The following RPL8 variants were observed in gnomAD, a reference collection of about 807,000 sequenced individuals.
The protein encoded by RPL8 is ribosomal protein L8, also known as large ribosomal subunit protein uL2.
For missense variants in RPL8, 248 were observed against 365.9 expected, an observed-to-expected ratio of 0.68 and a Z score of 2.63; for synonymous variants, 182 against 143.2, an observed-to-expected ratio of 1.27 and a Z score of -1.94.
At chr8:144,789,988 G>A in intron 4 of RPL8, 26 bp from the exon 5 acceptor site, 1 of 1,587,804 alleles carries the variant, frequency 6.3e-7, no homozygotes, top group Non-Finnish European at 8.6e-7. Flanking sequence ...GATGGCTTTA[G>A]AAACCTCTTC....
Position 144,792,049 on chromosome 8 carries a change from C to T in RPL8, c.81G>A (p.Ala27=). ...CAGCGAAATCCACGGCGCGCAGGCGCGCAGCGCCTTTACGGTGCTTCACGT... is the reference window on the plus strand; with the variant it reads ...CAGCGAAATCCACGGCGCGCAGGCGTGCAGCGCCTTTACGGTGCTTCACGT... The part of the protein sequence containing the change: ...RAHVKHRKGA[A]RLRAVDFAER... Residue 27 remains alanine, a synonymous_variant, in exon 1 of 5, where the codon GCG becomes GCA. Coordinates refer to ENST00000528957, the MANE Select transcript of RPL8 (RefSeq NM_001317782.2). 1 of 1,609,186 alleles carries T rather than the reference C, an allele frequency of 6.2e-7. No homozygotes were observed. The highest frequency in any genetic ancestry group is 8.5e-7 in the Non-Finnish European group (1 of 1,178,546).
Position 144,792,091 on chromosome 8 carries a change from C to G in RPL8, c.39G>C (p.Gly13=), listed in dbSNP as rs1826553560. Residue 13 remains glycine (G), a synonymous_variant, in exon 1 of 5, where the codon GGG becomes GGC. Coordinates refer to ENST00000528957, the MANE Select transcript of RPL8 (RefSeq NM_001317782.2). ...GCTTCACGTGCGCGCGGAACACAGACCCGGCGCCCTTCCTCTGTCCACGGA... is the reference window on the plus strand; with the variant it reads ...GCTTCACGTGCGCGCGGAACACAGAGCCGGCGCCCTTCCTCTGTCCACGGA... ...RVIRGQRKGA[G]SVFRAHVKHR... The G allele has an allele frequency of 1.3e-6, 2 of 1,597,300 alleles. No individual in the cohort carries two copies. The highest frequency in any genetic ancestry group is 2.2e-5 in the South Asian group (2 of 90,144).
At chr8:144,790,287 G>T in intron 4 of RPL8, 68 bp downstream of exon 4, 1 of 1,326,382 alleles carries the variant, frequency 7.5e-7, no homozygotes, top group South Asian at 1.2e-5. Flanking sequence ...CTGTGGATGG[G>T]ACTTGCCTAC....
At chr8:144,790,936 C>T (rs748416000) in intron 3 of RPL8, 7 of 455,262 alleles carry the variant, frequency 1.5e-5, no homozygotes, top group African/African-American at 2.0e-5. Flanking sequence ...ACTCAGTAGG[C>T]GTCTTTGAGA....
At chr8:144,791,174 GGT>G in intron 3 of RPL8, 101 bp downstream of exon 3, 1 of 1,151,674 alleles carries the variant, frequency 8.7e-7, no homozygotes, top group Admixed American at 1.9e-5. Context: ...TAGAACAACA[GGT>G]AATCGAATTC....
intron 4 of RPL8, among the ~76,000 whole-genome samples, 179 bp from the exon 5 acceptor site, chr8:144,790,141 C>CCGTTTCTTG (rs1485463441): frequency 6.6e-6 from 1 of 151,240 alleles, no homozygotes; most frequent in Admixed American, 6.6e-5. Flanking sequence ...CTCCCAGCCT[C>CCGTTTCTTG]CGTTTCTTGC....
chr8:144,790,521 C>A, intron 3 of RPL8, 51 bp from the exon 4 acceptor site: 1 of 1,355,326 alleles, frequency 7.4e-7, no homozygotes. Flanking sequence ...AGAGCACCCC[C>A]ACCTCCCCTC....
chr8:144,790,491 C>G, intron 3 of RPL8, 21 bp from the exon 4 acceptor site: 1 of 1,591,698 alleles, frequency 6.3e-7, no homozygotes. Flanking sequence ...TCAGATACCT[C>G]AGGGAACCCC....
chr8:144,792,205 G>C lies in RPL8; in HGVS notation c.-76C>G. The C allele has an allele frequency of 7.1e-7, 1 of 1,401,784 alleles. No homozygotes were observed. Among genetic ancestry groups the C allele is most frequent in the Non-Finnish European group, 9.2e-7 (1 of 1,085,656 alleles). 86.8% of individuals were successfully genotyped at this position (1,401,784 alleles called of 1,614,324 possible). A position where few individuals can be genotyped will look rare whatever the true frequency, so the allele number is the denominator to read the frequency against. Reference sequence around the variant, plus strand: ...GTACCCCCGCCAGCCCGGCTTTCCGGGACCCCGCCCCCGAGGCCGCCGCGC... The same window carrying C: ...GTACCCCCGCCAGCCCGGCTTTCCGCGACCCCGCCCCCGAGGCCGCCGCGC... On this transcript the variant is annotated 5_prime_UTR_variant, in exon 1 of 5. Transcript: ENST00000528957.
At position 144,791,488 on chromosome 8, in the gene RPL8, G is replaced by C. The variant is rs774483559; in HGVS notation, c.288C>G (p.Leu96=). 1 of 1,613,530 alleles carries C rather than the reference G, an allele frequency of 6.2e-7. No homozygotes were observed. Among genetic ancestry groups the C allele is most frequent in the Non-Finnish European group, 8.5e-7 (1 of 1,179,958 alleles). The change falls in exon 3 of 5, where the codon CTC becomes CTG. Residue 96 remains leucine, a synonymous_variant. Coordinates refer to ENST00000528957, the MANE Select transcript of RPL8 (RefSeq NM_001317782.2). ...QFVYCGKKAQ[L]NIGNVLPVGT... ...CCACAGGGAGCACATTGCCAATGTT[G>C]AGCTGGGCTGCAAGGGGAAGCAGCA...
In RPL8 at chr8:144,792,047, C is replaced by T. The variant is rs777113990; in HGVS notation, c.83G>A (p.Arg28His). 1.2e-6 allele frequency: 2 copies of T among 1,608,986 alleles called. No individual in the cohort carries two copies. Among genetic ancestry groups the T allele is most frequent in the South Asian group, 1.1e-5 (1 of 90,830 alleles). The change falls in exon 1 of 5, where the codon CGC becomes CAC. Residue 28 changes from arginine (R) to histidine (H), a missense_variant. Transcript: ENST00000528957. Reference sequence around the variant, plus strand: ...CTCAGCGAAATCCACGGCGCGCAGGCGCGCAGCGCCTTTACGGTGCTTCAC... The same window carrying T: ...CTCAGCGAAATCCACGGCGCGCAGGTGCGCAGCGCCTTTACGGTGCTTCAC... ...AHVKHRKGAARLRAVDFAERH... is the reference protein window; with the variant it reads ...AHVKHRKGAAHLRAVDFAERH...
chr8:144,791,568 G>C (rs1224425049), intron 2 of RPL8, 73 bp from the exon 3 acceptor site: 1 of 1,524,544 alleles, frequency 6.6e-7, no homozygotes, highest in African/African-American at 1.4e-5. Context: ...TAGGCAACCC[G>C]CGAAGTTGCG....
At position 144,792,324 on chromosome 8, in the gene RPL8, G is replaced by A. The variant is rs1318445592; in HGVS notation, c.-195C>T. 3 of 847,620 alleles carry A rather than the reference G, an allele frequency of 3.5e-6. No homozygotes were observed. Among genetic ancestry groups the A allele is most frequent in the Middle Eastern group, 3.9e-4 (1 of 2,572 alleles). The allele number at this position is 847,620 out of a possible 1,614,324, so 52.5% of individuals were successfully genotyped here. A position where few individuals can be genotyped will look rare whatever the true frequency, so the allele number is the denominator to read the frequency against. On this transcript the variant is annotated 5_prime_UTR_variant, in exon 1 of 5. Transcript: ENST00000528957. Reference sequence around the variant, plus strand: ...AGCGCGCCTCACGGAAGAGGATGGCGGCGGATACTGCCCATGCCGCAAGGC... The same window carrying A: ...AGCGCGCCTCACGGAAGAGGATGGCAGCGGATACTGCCCATGCCGCAAGGC...
At chr8:144,790,706 C>G in intron 3 of RPL8, 1 of 683,222 alleles carries the variant, frequency 1.5e-6, no homozygotes, top group East Asian at 2.8e-5. Context: ...TGGCTGAGCT[C>G]CAAGCGCAGG....
In RPL8 at chr8:144,792,136, G is replaced by T; in HGVS notation, c.-7C>A. 1 of 1,494,760 alleles carries T rather than the reference G, an allele frequency of 6.7e-7. No individual in the cohort carries two copies. Among genetic ancestry groups the T allele is most frequent in the South Asian group, 1.3e-5 (1 of 77,062 alleles). 92.6% of individuals were successfully genotyped at this position (1,494,760 alleles called of 1,614,324 possible). On this transcript the variant is annotated 5_prime_UTR_variant, in exon 1 of 5. Coordinates refer to ENST00000528957, the MANE Select transcript of RPL8 (RefSeq NM_001317782.2). The stretch of plus-strand genomic sequence containing the variant: ...CACGGATCACACGGCCCATGGCGAC[G>T]GGTCCTGGGGGCGACTCACGATTAG...
Position 144,792,096 on chromosome 8 carries a change from C to A in RPL8, c.34G>T (p.Ala12Ser). 1 of 1,592,216 alleles carries A rather than the reference C, an allele frequency of 6.3e-7. No individual in the cohort carries two copies. The highest frequency in any genetic ancestry group is 8.5e-7 in the Non-Finnish European group (1 of 1,172,294). ...ACGTGCGCGCGGAACACAGACCCGG[C>A]GCCCTTCCTCTGTCCACGGATCACA... ...GRVIRGQRKG[A>S]GSVFRAHVKH... is the part of the protein sequence containing the mutation. The change falls in exon 1 of 5, where the codon GCC becomes TCC. Residue 12 changes from alanine to serine, a missense_variant. Transcript: ENST00000528957.
intron 3 of RPL8, 78 bp downstream of exon 3, chr8:144,791,199 C>G: frequency 7.1e-7 from 1 of 1,416,712 alleles, no homozygotes; most frequent in Non-Finnish European, 9.9e-7. Flanking sequence ...GGGACCAAGT[C>G]TAGCCACTGG....
intron 3 of RPL8, chr8:144,790,797 C>G (rs534869071): frequency 3.4e-6 from 2 of 583,010 alleles, no homozygotes; most frequent in Admixed American, 2.2e-5. Context: ...CCTGCCCCAT[C>G]TCAGCTTTAC....
rs1203524453 is a variant in RPL8, at chr8:144,792,171, G to A, written c.-42C>T. 2 of 1,450,052 alleles carry A rather than the reference G, an allele frequency of 1.4e-6. No individual in the cohort carries two copies. The highest frequency in any genetic ancestry group is 2.7e-5 in the Admixed American group (1 of 37,534). The allele number at this position is 1,450,052 out of a possible 1,614,324, so 89.8% of individuals were successfully genotyped here. A position where few individuals can be genotyped will look rare whatever the true frequency, so the allele number is the denominator to read the frequency against. On this transcript the variant is annotated 5_prime_UTR_variant, in exon 1 of 5. Transcript: ENST00000528957. ...GGCGACTCACGATTAGCGCGGCCGG[G>A]CGGCCCGGGTACCCCCGCCAGCCCG...
Sources: allele counts gnomAD v4.1 joint callset (sites outside exome capture counted in the v4.1 genomes callset), GRCh38; gene constraint gnomAD v4.1.1; transcripts MANE v1.5; gene names NCBI Gene and HGNC (gene_info 2026-07-23, HGNC 2026-07-21).